Variants in MYT1L observed in about 807,000 individuals in gnomAD.
MYT1L encodes myelin transcription factor 1-like protein.
MYT1L carries 12 observed loss-of-function variants against 126.7 expected under a neutral mutation model. That is an observed-to-expected ratio of 0.09 (90% CI 0.06 to 0.15). The LOEUF (loss-of-function observed/expected upper bound fraction) is 0.15. Ranked by LOEUF, MYT1L falls within the 10% of genes least tolerant of loss-of-function variation. The probability of loss-of-function intolerance (pLI) is 1.00; values close to 1 mark genes in which losing one functional copy is unlikely to be tolerated. For synonymous variants in MYT1L, 541 were observed against 604.2 expected, an observed-to-expected ratio of 0.90 and a Z score of 1.53; for missense variants, 979 against 1,585.2, an observed-to-expected ratio of 0.62 and a Z score of 6.49.
intron 21 of MYT1L, among the ~76,000 whole-genome samples, chr2:1,817,500 T>C (rs1226234456): frequency 6.6e-6 from 1 of 152,222 alleles, no homozygotes; most frequent in Non-Finnish European, 1.5e-5. Flanking sequence ...CAGCAAGAGT[T>C]TGGGAAACTA....
At chr2:2,153,851 T>C (rs911461541) in intron 3 of MYT1L, among the ~76,000 whole-genome samples, 4 of 151,984 alleles carry the variant, frequency 2.6e-5, no homozygotes, top group African/African-American at 9.7e-5. Flanking sequence ...CAGCAAGGGC[T>C]GAGGGAGGGA....
At chr2:1,927,317 T>A (rs2054366192) in intron 9 of MYT1L, among the ~76,000 whole-genome samples, 1 of 152,190 alleles carries the variant, frequency 6.6e-6, no homozygotes, top group South Asian at 2.1e-4. Context: ...CCTCCATGAG[T>A]GAGATTTATG....
chr2:2,038,038 T>C (rs2067082274), intron 4 of MYT1L, among the ~76,000 whole-genome samples: 1 of 152,190 alleles, frequency 6.6e-6, no homozygotes, highest in South Asian at 2.1e-4. Flanking sequence ...AGCTATGTCT[T>C]GGTGAACTTT....
At chr2:2,273,788 G>T (rs1267781564) in intron 2 of MYT1L, among the ~76,000 whole-genome samples, 1 of 152,174 alleles carries the variant, frequency 6.6e-6, no homozygotes, top group African/African-American at 2.4e-5. Flanking sequence ...CACCAGAAAA[G>T]TCAATTGCTG....
rs1416275457 is a variant in MYT1L, at chr2:1,852,279, G to A, written c.2712-576C>T. Among the ~76,000 whole-genome samples, 1 of 152,132 alleles carries A rather than the reference G, an allele frequency of 6.6e-6. No individual in the cohort carries two copies. Among genetic ancestry groups the A allele is most frequent in the Non-Finnish European group, 1.5e-5 (1 of 68,022 alleles). On this transcript the variant is annotated intron_variant, in intron 18 of 24. Transcript: ENST00000647738. The surrounding 1 kb of genome is among the most constrained non-coding windows in gnomAD (Gnocchi z 4.0). ...GCCGACTGTCTTTCCGATGACCACT[G>A]TGCACTCAGGCAGGTTTGATAGACC... is the stretch of plus-strand genomic sequence containing the variant.
At chr2:2,241,002 G>A (rs78755162) in intron 2 of MYT1L, among the ~76,000 whole-genome samples, 2,915 of 152,218 alleles carry the variant, frequency 0.019, 99 homozygotes, top group African/African-American at 0.067. Flanking sequence ...GCCACTTCAC[G>A]TATTGGAGAG....
rs747777960 is a variant in MYT1L, at chr2:1,791,923, C to T, written c.3505G>A (p.Glu1169Lys). Residue 1169 changes from glutamate to lysine, a missense_variant, in exon 25 of 25, where the codon GAA becomes AAA. Transcript: ENST00000647738. This position sits in a 1 kb window ranked among gnomAD's most constrained non-coding sequence, Gnocchi z 6.0. The stretch of plus-strand genomic sequence containing the variant: ...ATATTTTCCAGTAGGGCTTTATTTT[C>T]TGGACTCTGATAACGATCTTGATTT... ...YTNQDRYQSP[E>K]NKALLENIKQ... 1 of 1,611,736 alleles carries T rather than the reference C, an allele frequency of 6.2e-7. No individual in the cohort carries two copies. Among genetic ancestry groups the T allele is most frequent in the South Asian group, 1.1e-5 (1 of 90,356 alleles).
chr2:1,845,649 G>T (rs945413410), intron 19 of MYT1L, among the ~76,000 whole-genome samples: 9 of 152,124 alleles, frequency 5.9e-5, no homozygotes, highest in African/African-American at 2.2e-4. Flanking sequence ...GTGCGCTTTT[G>T]ACACCTGCCG....
chr2:2,269,685 G>A (rs1265053874), intron 2 of MYT1L, among the ~76,000 whole-genome samples: 6 of 152,066 alleles, frequency 3.9e-5, no homozygotes, highest in African/African-American at 7.2e-5. Flanking sequence ...TGTGCTCCCC[G>A]GCAAGCCCTC....
At chr2:2,069,881 C>T (rs187298500) in intron 3 of MYT1L, among the ~76,000 whole-genome samples, 158 of 148,250 alleles carry the variant, frequency 1.1e-3, no homozygotes, top group Non-Finnish European at 1.5e-3. Context: ...TTTTGAAAAG[C>T]GTCTGTTCAT....
At chr2:2,164,073 A>T (rs1163357687) in intron 3 of MYT1L, among the ~76,000 whole-genome samples, 1 of 152,180 alleles carries the variant, frequency 6.6e-6, no homozygotes, top group African/African-American at 2.4e-5. Context: ...TTTCTTATGG[A>T]TATTAAACAG....
rs938957137 is a variant in MYT1L, at chr2:1,848,337, C to T, written c.2774+3304G>A. The stretch of plus-strand genomic sequence containing the variant: ...GCAGGAGGAAGAATTCCAGACACCA[C>T]GGAAGCGCGAGGCGTTTGTCCTGGG... On this transcript the variant is annotated intron_variant, in intron 19 of 24. Coordinates refer to ENST00000647738, the MANE Select transcript of MYT1L (RefSeq NM_001303052.2). This position sits in a 1 kb window ranked among gnomAD's most constrained non-coding sequence, Gnocchi z 4.8. Among the ~76,000 whole-genome samples, 5 of 148,104 alleles carry T rather than the reference C, an allele frequency of 3.4e-5. No individual in the cohort carries two copies. Among genetic ancestry groups the T allele is most frequent in the African/African-American group, 5.1e-5 (2 of 39,404 alleles).
At chr2:2,255,594 A>G (rs1341244390) in intron 2 of MYT1L, among the ~76,000 whole-genome samples, 2 of 152,230 alleles carry the variant, frequency 1.3e-5, no homozygotes, top group Admixed American at 6.5e-5. Flanking sequence ...AAATATTTGA[A>G]TAATTTTCTA....
rs2060470728 is a variant in MYT1L at position 1,979,846 on chromosome 2, C to T, written c.1-69G>A. The T allele has an allele frequency of 5.9e-6, 9 of 1,530,778 alleles. No homozygotes were observed. The highest frequency in any genetic ancestry group is 7.2e-6 in the Non-Finnish European group (8 of 1,108,538). The allele number at this position is 1,530,778 out of a possible 1,614,324, so 94.8% of individuals were successfully genotyped here. ...GCAGGCCAGCCCTGCAGGGGCGGCTCACTCTCCCTGGCATTCTATTAATGG... is the reference window on the plus strand; with the variant it reads ...GCAGGCCAGCCCTGCAGGGGCGGCTTACTCTCCCTGGCATTCTATTAATGG... On this transcript the variant is annotated intron_variant, in intron 5 of 24. Coordinates refer to ENST00000647738, the MANE Select transcript of MYT1L (RefSeq NM_001303052.2). The surrounding 1 kb of genome is among the most constrained non-coding windows in gnomAD (Gnocchi z 4.0).
Position 2,027,025 on chromosome 2 carries a change from C to T in MYT1L, c.-158+26953G>A, listed in dbSNP as rs116294963. Among the ~76,000 whole-genome samples, 293 of 152,278 alleles carry T rather than the reference C, an allele frequency of 1.9e-3. 2 individuals carry two copies. The highest frequency in any genetic ancestry group is 6.4e-3 in the African/African-American group (265 of 41,562). On this transcript the variant is annotated intron_variant, in intron 4 of 24. Transcript: ENST00000647738. ...GGGCAGCGTCCAGGCGGGGGCACAT[C>T]GGATCGCTCCACCTGGACCCCTCGC...
At position 1,848,179 on chromosome 2, in the gene MYT1L, C is replaced by G. The variant is rs1447341601; in HGVS notation, c.2774+3462G>C. On this transcript the variant is annotated intron_variant, in intron 19 of 24. Coordinates refer to ENST00000647738, the MANE Select transcript of MYT1L (RefSeq NM_001303052.2). This position sits in a 1 kb window ranked among gnomAD's most constrained non-coding sequence, Gnocchi z 4.8. ...GGCCCAGGAGAAGGCTGGGGCTTGG[C>G]CTCAGTTTTCTCTCAGATGGGAGCT... is the stretch of plus-strand genomic sequence containing the variant. Among the ~76,000 whole-genome samples the G allele has an allele frequency of 6.6e-6, 1 of 152,230 alleles. No individual in the cohort carries two copies. Among genetic ancestry groups the G allele is most frequent in the Non-Finnish European group, 1.5e-5 (1 of 68,036 alleles).
chr2:2,195,834 G>A (rs2092774512), intron 2 of MYT1L, among the ~76,000 whole-genome samples: 1 of 151,996 alleles, frequency 6.6e-6, no homozygotes, highest in Non-Finnish European at 1.5e-5. Flanking sequence ...AAATGGGCTA[G>A]GAGAAACTAC....
intron 3 of MYT1L, among the ~76,000 whole-genome samples, chr2:2,099,236 T>C (rs2077769464): frequency 6.6e-6 from 1 of 152,210 alleles, no homozygotes; most frequent in African/African-American, 2.4e-5. Context: ...TGATTTTGTT[T>C]TCTCAGACTC....
intron 2 of MYT1L, among the ~76,000 whole-genome samples, chr2:2,251,399 G>A (rs886996148): frequency 2.0e-5 from 3 of 152,118 alleles, no homozygotes; most frequent in African/African-American, 7.2e-5. Flanking sequence ...GTTCTTTCAG[G>A]GTTTCCGCCC....
Sources: allele counts gnomAD v4.1 joint callset (sites outside exome capture counted in the v4.1 genomes callset), GRCh38; gene constraint gnomAD v4.1.1; non-coding constraint Gnocchi (gnomAD v3.1); transcripts MANE v1.5; gene names NCBI Gene and HGNC (gene_info 2026-07-23, HGNC 2026-07-21).